MIGA2: variants seen among roughly 807,000 people sequenced by gnomAD.
MIGA2 encodes family with sequence similarity 73, member B.
Under a neutral mutation model 69.9 loss-of-function variants are expected in MIGA2, and 36 were observed. The ratio of observed to expected loss-of-function variants is 0.52; its 90% CI spans 0.39 to 0.68. The LOEUF (loss-of-function observed/expected upper bound fraction) is 0.68. Among genes scored for constraint, MIGA2 ranks in the 30% least tolerant of loss-of-function variants. The pLI is 0.00. For missense variants in MIGA2, 660 were observed against 787.7 expected, an observed-to-expected ratio of 0.84 and a Z score of 1.94; for synonymous variants, 333 against 349.2, an observed-to-expected ratio of 0.95 and a Z score of 0.52.
At chr9:129,049,086 G>A (rs1289543000) in intron 4 of MIGA2, among the ~76,000 whole-genome samples, 1 of 152,198 alleles carries the variant, frequency 6.6e-6, no homozygotes, top group Admixed American at 6.6e-5. Flanking sequence ...CCCCGGCATA[G>A]GGGATGGATA....
chr9:129,042,078 CCTT>C, intron 2 of MIGA2: 1 of 572,548 alleles, frequency 1.7e-6, no homozygotes, highest in Non-Finnish European at 3.2e-6. Context: ...CTAGACCTCA[CCTT>C]CTCGGCACTG....
intron 6 of MIGA2, among the ~76,000 whole-genome samples, chr9:129,051,685 C>T (rs1845550589): frequency 6.6e-6 from 1 of 151,284 alleles, no homozygotes; most frequent in Non-Finnish European, 1.5e-5. Flanking sequence ...CAAGCTCTGC[C>T]TCCCAGGTTT....
intron 1 of MIGA2, among the ~76,000 whole-genome samples, chr9:129,037,872 G>A (rs1297089426): frequency 6.6e-6 from 1 of 152,134 alleles, no homozygotes; most frequent in African/African-American, 2.4e-5. Flanking sequence ...CTTAGTACTC[G>A]GTGACCTCAG....
At chr9:129,039,570 A>G (rs113850239) in intron 1 of MIGA2, among the ~76,000 whole-genome samples, 1 of 150,232 alleles carries the variant, frequency 6.7e-6, no homozygotes, top group Non-Finnish European at 1.5e-5. Flanking sequence ...TATTATTATT[A>G]TTTTTTGAGA....
intron 11 of MIGA2, among the ~76,000 whole-genome samples, chr9:129,065,342 T>C (rs1011104403): frequency 2.0e-5 from 3 of 151,606 alleles, no homozygotes; most frequent in Non-Finnish European, 2.9e-5. Context: ...CCAAAAAGTA[T>C]CTATAGGATT....
At chr9:129,048,247 T>C (rs1325009001) in intron 3 of MIGA2, among the ~76,000 whole-genome samples, 180 bp from the exon 4 acceptor site, 1 of 152,190 alleles carries the variant, frequency 6.6e-6, no homozygotes, top group African/African-American at 2.4e-5. Flanking sequence ...GAGCAGGACA[T>C]GGAGGGCCCC....
At chr9:129,050,264 C>T (rs1845451224) in intron 6 of MIGA2, among the ~76,000 whole-genome samples, 1 of 151,886 alleles carries the variant, frequency 6.6e-6, no homozygotes, top group African/African-American at 2.4e-5. Flanking sequence ...ATTGCCTGGC[C>T]TTTGTTTTGT....
At chr9:129,039,956 G>A (rs1293027202) in intron 1 of MIGA2, 1 of 152,206 alleles carries the variant, frequency 6.6e-6, no homozygotes, top group East Asian at 1.9e-4. Context: ...TATTGGCCAG[G>A]CTGGTCTCAA....
rs1290894595 is a variant in MIGA2, at chr9:129,048,459, A to T, written c.340A>T (p.Ser114Cys). ...YSSRRVQSPS[S>C]KSNDTLSGIS... ...CAGCCGGAGAGTCCAGAGCCCCAGC[A>T]GCAAGAGCAACGACACCCTGAGTGG... Residue 114 changes from serine (S) to cysteine (C), a missense_variant, in exon 4 of 16, where the codon AGC (serine) becomes TGC (cysteine). By Grantham distance (112) the Ser-to-Cys change is moderately radical. This residue lies in a region of MIGA2 where 386 missense variants were observed against 402.0 expected (regional missense o/e 0.96). Transcript: ENST00000684074. 1 of 1,613,976 alleles carries T rather than the reference A, an allele frequency of 6.2e-7. No homozygotes were observed. Among genetic ancestry groups the T allele is most frequent in the African/African-American group, 1.3e-5 (1 of 74,926 alleles).
At chr9:129,066,737 A>C (rs1402807632) in intron 11 of MIGA2, among the ~76,000 whole-genome samples, 2 of 151,316 alleles carry the variant, frequency 1.3e-5, no homozygotes, top group African/African-American at 4.9e-5. Flanking sequence ...AGGCAGGCAG[A>C]TCACAAGGTC....
At chr9:129,049,042 T>G (rs923706959) in intron 4 of MIGA2, among the ~76,000 whole-genome samples, 5 of 152,102 alleles carry the variant, frequency 3.3e-5, no homozygotes, top group Admixed American at 3.3e-4. Context: ...ACAGAATGGG[T>G]ACTCTCTGTC....
intron 11 of MIGA2, among the ~76,000 whole-genome samples, chr9:129,066,810 A>C (rs1433565032): frequency 6.7e-6 from 1 of 149,920 alleles, no homozygotes; most frequent in Non-Finnish European, 1.5e-5. Flanking sequence ...ATACAAAAAA[A>C]ATTAGCCGGG....
intron 1 of MIGA2, among the ~76,000 whole-genome samples, chr9:129,037,484 G>GGA (rs1385368805): frequency 6.6e-6 from 1 of 152,162 alleles, no homozygotes; most frequent in East Asian, 1.9e-4. Flanking sequence ...TTTTCATTGT[G>GGA]GAGAGGAGGT....
In MIGA2 at chr9:129,068,130, T is replaced by C; in HGVS notation, c.1270-68T>C. 5 of 1,609,026 alleles carry C rather than the reference T, an allele frequency of 3.1e-6. No homozygotes were observed. The highest frequency in any genetic ancestry group is 4.3e-6 in the Non-Finnish European group (5 of 1,176,440). On this transcript the variant is annotated intron_variant, in intron 12 of 15. Coordinates refer to ENST00000684074, the MANE Select transcript of MIGA2 (RefSeq NM_001329990.2). This position sits in a 1 kb window ranked among gnomAD's most constrained non-coding sequence, Gnocchi z 4.1. ...CTGGACCCCAGCTTCAGTCTCCCCA[T>C]CTGGAAAGTGGCCCCGAGGCTCCGG... is the stretch of plus-strand genomic sequence containing the variant.
At chr9:129,051,635 G>A (rs1031263875) in intron 6 of MIGA2, among the ~76,000 whole-genome samples, 1 of 145,826 alleles carries the variant, frequency 6.9e-6, no homozygotes, top group Non-Finnish European at 1.5e-5. Context: ...TTGCTCTGCC[G>A]CCCAGGCTGG....
At position 129,061,082 on chromosome 9, in the gene MIGA2, A is replaced by C; in HGVS notation, c.895-149A>C. The C allele has an allele frequency of 1.4e-6, 1 of 693,664 alleles. No homozygotes were observed. The highest frequency in any genetic ancestry group is 2.6e-6 in the Non-Finnish European group (1 of 391,842). The allele number at this position is 693,664 out of a possible 1,614,324, so 43.0% of individuals were successfully genotyped here. ...GGGCTCGAACTGGAGCCTCCTGGCC[A>C]GTGTTCCCTCTGACATCCCCTCAGA... On this transcript the variant is annotated intron_variant, in intron 8 of 15. Coordinates refer to ENST00000684074, the MANE Select transcript of MIGA2 (RefSeq NM_001329990.2). This position sits in a 1 kb window ranked among gnomAD's most constrained non-coding sequence, Gnocchi z 5.0.
At chr9:129,046,564 T>G (rs1362649308) in intron 3 of MIGA2, among the ~76,000 whole-genome samples, 3 of 151,456 alleles carry the variant, frequency 2.0e-5, no homozygotes, top group Non-Finnish European at 2.9e-5. Context: ...TTCAAGCAGT[T>G]CTCATGCTTC....
At chr9:129,051,020 C>T (rs1465515768) in intron 6 of MIGA2, among the ~76,000 whole-genome samples, 1 of 150,770 alleles carries the variant, frequency 6.6e-6, no homozygotes, top group Admixed American at 6.6e-5. Context: ...ATTATAGGCG[C>T]ATGCCACCCC....
chr9:129,054,752 A>G (rs1845710561), intron 6 of MIGA2, among the ~76,000 whole-genome samples: 3 of 152,146 alleles, frequency 2.0e-5, no homozygotes, highest in Admixed American at 2.0e-4. Context: ...GTTGGTAGAT[A>G]TTTGGGTTGC....
Sources: allele counts gnomAD v4.1 joint callset (sites outside exome capture counted in the v4.1 genomes callset), GRCh38; gene constraint gnomAD v4.1.1; regional missense constraint gnomAD v4.1.1; non-coding constraint Gnocchi (gnomAD v3.1); transcripts MANE v1.5; gene names NCBI Gene and HGNC (gene_info 2026-07-23, HGNC 2026-07-21).